NEK11: variants seen among roughly 807,000 people sequenced by gnomAD.
NEK11 encodes the protein NIMA related kinase 11.
A neutral mutation model predicts 80.7 loss-of-function variants in NEK11; 72 were observed. The ratio of observed to expected loss-of-function variants is 0.89; its 90% CI spans 0.74 to 1.08. NEK11 has a LOEUF of 1.08. Ranked by LOEUF, NEK11 falls within the 50% of genes least tolerant of loss-of-function variation. The pLI, the probability that NEK11 is intolerant of heterozygous loss-of-function variation, is 0.00. For missense variants in NEK11, 764 were observed against 763.6 expected, an observed-to-expected ratio of 1.00 and a Z score of -0.01; for synonymous variants, 251 against 260.7, an observed-to-expected ratio of 0.96 and a Z score of 0.36.
chr3:131,180,370 T>C (rs1413573912), intron 14 of NEK11, among the ~76,000 whole-genome samples: 1 of 152,188 alleles, frequency 6.6e-6, no homozygotes, highest in Non-Finnish European at 1.5e-5. Context: ...AATTGAATCA[T>C]GTGAAATTTA....
At chr3:131,218,110 A>T (rs992510194) in intron 14 of NEK11, among the ~76,000 whole-genome samples, 9 of 152,206 alleles carry the variant, frequency 5.9e-5, no homozygotes, top group African/African-American at 1.7e-4. Context: ...TTTCTTTAAG[A>T]GATGTTTATC....
At position 131,028,724 on chromosome 3, in the gene NEK11, G is replaced by A. The variant is rs748046602; in HGVS notation, c.-97+722G>A. Among the ~76,000 whole-genome samples, 28 of 152,092 alleles carry A rather than the reference G, an allele frequency of 1.8e-4. 1 individual carries two copies. The highest frequency in any genetic ancestry group is 3.1e-4 in the Non-Finnish European group (21 of 68,006). On this transcript the variant is annotated intron_variant, in intron 2 of 17. Transcript: ENST00000383366. ...CTGCAGGCGCCCGCTACAATGCCCG[G>A]CTAATTTTTTTGTATTAGACGGGGT...
At chr3:131,218,114 G>A (rs2094903526) in intron 14 of NEK11, among the ~76,000 whole-genome samples, 1 of 152,162 alleles carries the variant, frequency 6.6e-6, no homozygotes, top group Non-Finnish European at 1.5e-5. Flanking sequence ...TTTAAGAGAT[G>A]TTTATCTCTT....
intron 17 of NEK11, among the ~76,000 whole-genome samples, chr3:131,320,466 A>C (rs2096885728): frequency 6.6e-6 from 1 of 152,134 alleles, no homozygotes; most frequent in East Asian, 1.9e-4. Context: ...CAATGTGTTA[A>C]AAATCAAAAC....
chr3:131,293,431 G>T (rs1387128300), intron 17 of NEK11, among the ~76,000 whole-genome samples: 3 of 152,038 alleles, frequency 2.0e-5, no homozygotes, highest in Non-Finnish European at 4.4e-5. Flanking sequence ...ACTTAGAGGG[G>T]ATAAATCCCA....
rs149823866 is a variant in NEK11, at chr3:131,243,979, C to A, written c.1621+483C>A. On this transcript the variant is annotated intron_variant, in intron 16 of 17. Coordinates refer to ENST00000383366, the MANE Select transcript of NEK11 (RefSeq NM_024800.5). ...GGATTGCTATGCTTCAGGGATAAAG[C>A]CCTATTTCTTAGTTTCTTCTATTTT... 1.9e-4 allele frequency among the ~76,000 whole-genome samples: 29 copies of A among 151,900 alleles called. No individual in the cohort carries two copies. The East Asian group carries it at 5.6e-3, about 30-fold the overall frequency.
intron 5 of NEK11, among the ~76,000 whole-genome samples, chr3:131,122,569 A>G (rs2082570209): frequency 6.6e-6 from 1 of 152,262 alleles, no homozygotes. Context: ...TGGGTTGTGC[A>G]TCACAAAGGA....
chr3:131,281,569 T>C (rs961154689), intron 17 of NEK11, among the ~76,000 whole-genome samples: 6 of 152,222 alleles, frequency 3.9e-5, no homozygotes, highest in African/African-American at 1.4e-4. Flanking sequence ...TTAATAGCCT[T>C]GCACATTCAG....
intron 16 of NEK11, among the ~76,000 whole-genome samples, chr3:131,266,351 A>G (rs1581129668): frequency 6.6e-6 from 1 of 152,220 alleles, no homozygotes; most frequent in Non-Finnish European, 1.5e-5. Context: ...ATTTCATGCT[A>G]TAAATTTCCC....
At chr3:131,105,278 C>T (rs2079015559) in intron 4 of NEK11, among the ~76,000 whole-genome samples, 2 of 152,192 alleles carry the variant, frequency 1.3e-5, no homozygotes, top group African/African-American at 4.8e-5. Flanking sequence ...AGACCAGTAC[C>T]TCAAGAAAAA....
chr3:131,158,678 G>A (rs1038060177), intron 10 of NEK11, among the ~76,000 whole-genome samples: 2 of 152,152 alleles, frequency 1.3e-5, no homozygotes, highest in Non-Finnish European at 2.9e-5. Flanking sequence ...GGAGGGCCCC[G>A]GCTCCCTGAG....
intron 17 of NEK11, among the ~76,000 whole-genome samples, chr3:131,286,971 C>T (rs1303757438): frequency 6.6e-6 from 1 of 152,196 alleles, no homozygotes; most frequent in African/African-American, 2.4e-5. Context: ...CGGCCAGAAG[C>T]ACTCTGGGTA....
Position 131,195,600 on chromosome 3 carries a change from G to A in NEK11, c.1399+24713G>A, listed in dbSNP as rs536236804. On this transcript the variant is annotated intron_variant, in intron 14 of 17. Transcript: ENST00000383366. ...ATGTGTTATTCTTATATTAGCACCCGCAGGGCTACTGCATACAGTTGTGCC... is the reference window on the plus strand; with the variant it reads ...ATGTGTTATTCTTATATTAGCACCCACAGGGCTACTGCATACAGTTGTGCC... Among the ~76,000 whole-genome samples the A allele has an allele frequency of 4.6e-5, 7 of 151,970 alleles. No individual in the cohort carries two copies. The East Asian group carries it at 7.7e-4, about 17-fold the overall frequency.
At chr3:131,137,961 G>A (rs1473324353) in intron 7 of NEK11, among the ~76,000 whole-genome samples, 1 of 152,144 alleles carries the variant, frequency 6.6e-6, no homozygotes, top group Admixed American at 6.5e-5. Context: ...TCACATCATG[G>A]AAAATGTGGT....
At chr3:131,264,274 T>A (rs1256596849) in intron 16 of NEK11, among the ~76,000 whole-genome samples, 9 of 152,248 alleles carry the variant, frequency 5.9e-5, no homozygotes, top group Non-Finnish European at 8.8e-5. Flanking sequence ...GTTTTAGTCA[T>A]GAAGTCCTTG....
chr3:131,305,735 G>T (rs1339240629), intron 17 of NEK11, among the ~76,000 whole-genome samples: 1 of 152,206 alleles, frequency 6.6e-6, no homozygotes, highest in Non-Finnish European at 1.5e-5. Flanking sequence ...GATGGCAAGA[G>T]TGGGCCATTC....
intron 14 of NEK11, among the ~76,000 whole-genome samples, chr3:131,217,692 G>A (rs2094889555): frequency 6.6e-6 from 1 of 152,006 alleles, no homozygotes; most frequent in Admixed American, 6.6e-5. Context: ...CACCTTTCTG[G>A]AACAGGGCCA....
intron 16 of NEK11, among the ~76,000 whole-genome samples, chr3:131,264,160 G>T (rs1201194071): frequency 1.3e-5 from 2 of 152,108 alleles, no homozygotes; most frequent in Non-Finnish European, 2.9e-5. Flanking sequence ...CCATTCTGTA[G>T]GTTGCCTGTT....
intron 4 of NEK11, chr3:131,092,927 CA>C (rs1276312072): frequency 6.6e-6 from 1 of 152,198 alleles, no homozygotes; most frequent in Non-Finnish European, 1.5e-5. Context: ...AAAGCAAGCA[CA>C]ATTTCTCGTT....
Sources: allele counts gnomAD v4.1 joint callset (sites outside exome capture counted in the v4.1 genomes callset), GRCh38; gene constraint gnomAD v4.1.1; transcripts MANE v1.5; gene names NCBI Gene and HGNC (gene_info 2026-07-23, HGNC 2026-07-21).